The following PKIA variants were observed in gnomAD, a reference collection of about 807,000 sequenced individuals.
The protein encoded by PKIA is PKI-alpha.
A neutral mutation model predicts 7.6 loss-of-function variants in PKIA; 4 were observed. The observed-to-expected ratio is 0.52, with a 90% CI of 0.26 to 1.20. The LOEUF (loss-of-function observed/expected upper bound fraction) is 1.20, where lower values mean the gene tolerates loss of function less well. Ranked by LOEUF, PKIA falls within the 50% of genes most tolerant of loss-of-function variation. PKIA has a pLI of 0.13. For synonymous variants in PKIA, 21 were observed against 30.7 expected, an observed-to-expected ratio of 0.68 and a Z score of 1.04; for missense variants, 73 against 86.2, an observed-to-expected ratio of 0.85 and a Z score of 0.61.
chr8:78,531,801 G>A (rs746660100), intron 1 of PKIA, among the ~76,000 whole-genome samples: 10 of 152,078 alleles, frequency 6.6e-5, no homozygotes, highest in Non-Finnish European at 1.3e-4. Flanking sequence ...AGAGAGGGAA[G>A]AAGGCAGGAG....
intron 2 of PKIA, among the ~76,000 whole-genome samples, chr8:78,577,976 C>A (rs570171510): frequency 6.6e-6 from 1 of 151,916 alleles, no homozygotes; most frequent in Non-Finnish European, 1.5e-5. Flanking sequence ...ACAATTTAAT[C>A]CTCATGAGTC....
intron 2 of PKIA, among the ~76,000 whole-genome samples, chr8:78,595,469 C>G (rs1471848725): frequency 6.6e-6 from 1 of 152,112 alleles, no homozygotes; most frequent in Non-Finnish European, 1.5e-5. Context: ...TCAAGGGGTA[C>G]ATATGCAGGT....
rs112112962 is a variant in PKIA, at chr8:78,536,852, GAAAA to G, written c.-157+20385_-157+20388del. On this transcript the variant is annotated intron_variant, in intron 1 of 3. Transcript: ENST00000396418. ...AATCTGTAACTTATCTGGGTAGCTA[GAAAA>G]CATACACACACACACACACACACAC... Among the ~76,000 whole-genome samples, 130 of 137,178 alleles carry G rather than the reference GAAAA, an allele frequency of 9.5e-4. 2 individuals carry two copies. Among genetic ancestry groups the G allele is most frequent in the African/African-American group, 3.3e-3 (120 of 36,296 alleles). The allele number at this position is 137,178 out of a possible 152,430, so 90.0% of individuals were successfully genotyped here.
chr8:78,600,872 C>G (rs188975998), intron 3 of PKIA, among the ~76,000 whole-genome samples: 143 of 152,150 alleles, frequency 9.4e-4, no homozygotes, highest in African/African-American at 3.2e-3. Context: ...ATCCAACTTA[C>G]CTGCTTTTAT....
chr8:78,594,590 GT>G (rs1260581200), intron 2 of PKIA, among the ~76,000 whole-genome samples: 1 of 152,224 alleles, frequency 6.6e-6, no homozygotes, highest in East Asian at 1.9e-4. Flanking sequence ...TGTTTTTCCT[GT>G]GTTTTACAGG....
chr8:78,573,404 T>G (rs1183745068), intron 2 of PKIA, among the ~76,000 whole-genome samples: 5 of 151,954 alleles, frequency 3.3e-5, no homozygotes, highest in African/African-American at 7.2e-5. Context: ...ATCTTGGTCT[T>G]GGGACAATCA....
At chr8:78,533,502 G>T (rs79368241) in intron 1 of PKIA, among the ~76,000 whole-genome samples, 5 of 152,018 alleles carry the variant, frequency 3.3e-5, no homozygotes, top group Admixed American at 3.3e-4. Flanking sequence ...AAACAGAATG[G>T]TATACAATCT....
intron 1 of PKIA, among the ~76,000 whole-genome samples, chr8:78,523,874 ATT>A (rs1809464158): frequency 6.9e-6 from 1 of 144,832 alleles, no homozygotes; most frequent in South Asian, 2.1e-4. Flanking sequence ...ATACATATAT[ATT>A]TATATAAATA....
chr8:78,552,533 A>G (rs1262524291), intron 1 of PKIA, among the ~76,000 whole-genome samples: 2 of 152,012 alleles, frequency 1.3e-5, no homozygotes, highest in Non-Finnish European at 2.9e-5. Flanking sequence ...AAACAGGCAT[A>G]TTTAAAATAG....
At chr8:78,561,680 T>G (rs1159230220) in intron 1 of PKIA, among the ~76,000 whole-genome samples, 1 of 152,172 alleles carries the variant, frequency 6.6e-6, no homozygotes, top group East Asian at 1.9e-4. Flanking sequence ...TCAAACTTTC[T>G]GAGTCCAAAT....
chr8:78,568,449 G>A (rs1042338605), intron 1 of PKIA, among the ~76,000 whole-genome samples: 1 of 152,120 alleles, frequency 6.6e-6, no homozygotes, highest in Non-Finnish European at 1.5e-5. Context: ...AACATTAATA[G>A]ACCACCGCAA....
intron 1 of PKIA, among the ~76,000 whole-genome samples, chr8:78,555,346 TA>T (rs138112338): frequency 0.046 from 6,807 of 148,222 alleles, 444 homozygotes; most frequent in African/African-American, 0.14. Flanking sequence ...CAGACTGAGG[TA>T]AAAAAAAAAT....
At chr8:78,580,007 A>C (rs1486342504) in intron 2 of PKIA, among the ~76,000 whole-genome samples, 1 of 152,062 alleles carries the variant, frequency 6.6e-6, no homozygotes, top group Admixed American at 6.6e-5. Context: ...ATGAATCCTG[A>C]GTGGCAAAAG....
intron 1 of PKIA, among the ~76,000 whole-genome samples, chr8:78,529,452 TAAAAGA>T (rs1008168619): frequency 1.3e-5 from 2 of 152,090 alleles, no homozygotes; most frequent in African/African-American, 4.8e-5. Flanking sequence ...TTCACTTAAG[TAAAAGA>T]AAGTTTTCTA....
In PKIA at chr8:78,524,122, A is replaced by G. The variant is rs193170310; in HGVS notation, c.-157+7654A>G. Among the ~76,000 whole-genome samples, 292 of 117,168 alleles carry G rather than the reference A, an allele frequency of 2.5e-3. 8 individuals are homozygous for G. The highest frequency in any genetic ancestry group is 4.4e-3 in the Middle Eastern group (1 of 226). The allele number at this position is 117,168 out of a possible 152,430, so 76.9% of individuals were successfully genotyped here. A position where few individuals can be genotyped will look rare whatever the true frequency, so the allele number is the denominator to read the frequency against. ...TTTATATATAAATATATGTATAAACATTTATATTTATATATAAACATTTAT... is the reference window on the plus strand; with the variant it reads ...TTTATATATAAATATATGTATAAACGTTTATATTTATATATAAACATTTAT... On this transcript the variant is annotated intron_variant, in intron 1 of 3. Transcript: ENST00000396418.
chr8:78,521,344 C>T (rs1002013152), intron 1 of PKIA, among the ~76,000 whole-genome samples: 7 of 151,966 alleles, frequency 4.6e-5, no homozygotes, highest in Non-Finnish European at 7.4e-5. Context: ...TTCATCCCTC[C>T]TAGGTTCTAA....
Position 78,559,672 on chromosome 8 carries a change from G to C in PKIA, c.-156-13139G>C, listed in dbSNP as rs959175670. ...ATGGAGCTGCTTTCCCGAGCTCATT[G>C]ATACAGCCCCCTCACTTTCGCCAGT... On this transcript the variant is annotated intron_variant, in intron 1 of 3. Transcript: ENST00000396418. Among the ~76,000 whole-genome samples, 16 of 152,144 alleles carry C rather than the reference G, an allele frequency of 1.1e-4. No individual in the cohort carries two copies. The South Asian group carries it at 2.3e-3, about 22-fold the overall frequency.
At chr8:78,517,211 G>T (rs1809332974) in intron 1 of PKIA, among the ~76,000 whole-genome samples, 1 of 151,986 alleles carries the variant, frequency 6.6e-6, no homozygotes, top group Non-Finnish European at 1.5e-5. Flanking sequence ...TTTCTTATTC[G>T]GTATTCTCCC....
intron 2 of PKIA, among the ~76,000 whole-genome samples, chr8:78,582,393 C>A (rs1807833624): frequency 2.0e-5 from 3 of 152,016 alleles, no homozygotes; most frequent in African/African-American, 7.2e-5. Context: ...TGAGTGCAAG[C>A]AGGGGAAATG....
Sources: gnomAD v4.1 joint callset for allele counts (sites outside exome capture counted in the v4.1 genomes callset) on GRCh38, gnomAD v4.1.1 for gene constraint, MANE v1.5 for transcripts, NCBI Gene and HGNC (gene_info 2026-07-23, HGNC 2026-07-21) for gene names.